The following FREM1 variants were observed in gnomAD, a reference collection of about 807,000 sequenced individuals.
FREM1 encodes the protein FRAS1-related extracellular matrix protein 1.
FREM1 carries 220 observed loss-of-function variants against 210.1 expected under a neutral mutation model. The ratio of observed to expected loss-of-function variants is 1.05; its 90% confidence interval spans 0.94 to 1.17. The LOEUF (loss-of-function observed/expected upper bound fraction) is 1.17. Ranked by LOEUF, FREM1 falls within the 50% of genes most tolerant of loss-of-function variation. The pLI, the probability that FREM1 is intolerant of heterozygous loss-of-function variation, is 0.00. For missense variants in FREM1, 3,454 were observed against 2,675.5 expected (o/e 1.29, Z -6.42); for synonymous variants, 1,189 against 980.2 (o/e 1.21, Z -3.98).
intron 10 of FREM1, among the ~76,000 whole-genome samples, chr9:14,828,574 A>C (rs1423396660): frequency 2.8e-5 from 4 of 140,564 alleles, no homozygotes; most frequent in Non-Finnish European, 4.5e-5. Context: ...AAATGAGTTA[A>C]GACTTTGGGG....
Position 14,748,497 on chromosome 9 carries a change from G to A in FREM1, c.5700C>T (p.Ser1900=), listed in dbSNP as rs1281905978. 8.1e-6 allele frequency: 13 copies of A among 1,613,630 alleles called. No homozygotes were observed. The highest frequency in any genetic ancestry group is 1.7e-5 in the Admixed American group (1 of 59,988). ...CTCCCCTGATGACTGCTAGCTGCAT[G>A]GAAGATGGAAGAGGTCTTCTTTCCA... ...FHLERRPLPS[S]MQLAVIRGDT... is the part of the protein sequence containing the mutation. The change falls in exon 31 of 37, where the codon TCC becomes TCT. Residue 1900 remains serine, a synonymous_variant. Coordinates refer to ENST00000380880, the MANE Select transcript of FREM1 (RefSeq NM_001379081.2).
rs760672639 is a variant in FREM1 at position 14,859,163 on chromosome 9, G to A, written c.631+20C>T. The stretch of plus-strand genomic sequence containing the variant: ...TGTCAGTTTTGGTAATACCCAGAAA[G>A]GCATTAAAAGACATCATACGGGACT... On this transcript the variant is annotated intron_variant, in intron 4 of 36. Coordinates refer to ENST00000380880, the MANE Select transcript of FREM1 (RefSeq NM_001379081.2). 1 of 1,527,194 alleles carries A rather than the reference G, an allele frequency of 6.5e-7. No individual in the cohort carries two copies. 94.6% of individuals were successfully genotyped at this position (1,527,194 alleles called of 1,614,324 possible).
chr9:14,761,786 G>A (rs1845542745), intron 27 of FREM1, among the ~76,000 whole-genome samples: 1 of 152,184 alleles, frequency 6.6e-6, no homozygotes, highest in East Asian at 1.9e-4. Flanking sequence ...TAGTCACTCT[G>A]TAGCTGGCTT....
intron 1 of FREM1, among the ~76,000 whole-genome samples, chr9:14,872,118 T>C (rs1284923304): frequency 6.6e-6 from 1 of 152,232 alleles, no homozygotes; most frequent in East Asian, 1.9e-4. Flanking sequence ...TCCAGCTTTG[T>C]TCTTTTGGCT....
chr9:14,861,140 T>C lies in FREM1; in HGVS notation c.330-1656A>G, dbSNP rs956340380. Among the ~76,000 whole-genome samples, 5 of 107,692 alleles carry C rather than the reference T, an allele frequency of 4.6e-5. 1 individual carries two copies. The highest frequency in any genetic ancestry group is 7.1e-5 in the Non-Finnish European group (4 of 56,024). The allele number at this position is 107,692 out of a possible 152,430, so 70.7% of individuals were successfully genotyped here. On this transcript the variant is annotated intron_variant, in intron 3 of 36. Coordinates refer to ENST00000380880, the MANE Select transcript of FREM1 (RefSeq NM_001379081.2). ...ATATACATATATACACATATATACA[T>C]ATATACACATATATACGTATATACA...
chr9:14,822,453 G>C (rs1821541760), intron 13 of FREM1, among the ~76,000 whole-genome samples: 1 of 152,002 alleles, frequency 6.6e-6, no homozygotes, highest in South Asian at 2.1e-4. Context: ...GCATGTGTAG[G>C]CTCTGGTCCC....
At chr9:14,781,086 T>C (rs1461355366) in intron 24 of FREM1, among the ~76,000 whole-genome samples, 1 of 152,254 alleles carries the variant, frequency 6.6e-6, no homozygotes, top group African/African-American at 2.4e-5. Flanking sequence ...AAGAACCTTC[T>C]ACTGGAAATG....
intron 1 of FREM1, among the ~76,000 whole-genome samples, chr9:14,902,032 G>C (rs1168668497): frequency 6.7e-6 from 1 of 150,116 alleles, no homozygotes; most frequent in East Asian, 1.9e-4. Flanking sequence ...TTTTTTAAGA[G>C]ATCAGATCTC....
chr9:14,907,386 C>T (rs138027592), intron 1 of FREM1, among the ~76,000 whole-genome samples: 231 of 152,184 alleles, frequency 1.5e-3, no homozygotes, highest in Non-Finnish European at 1.7e-3. Context: ...TTCGCTCGGC[C>T]CCTCAAAGAT....
chr9:14,750,293 T>A lies in FREM1; in HGVS notation c.5408-17A>T. The A allele has an allele frequency of 6.3e-7, 1 of 1,582,946 alleles. No individual in the cohort carries two copies. The highest frequency in any genetic ancestry group is 2.2e-5 in the East Asian group (1 of 44,694). ...TTGACATTCCTACAAGAAGTAAACA[T>A]TTTAATTACTCTTTAATTGCTATTT... On this transcript the variant is annotated splice_polypyrimidine_tract_variant and intron_variant, in intron 29 of 36. Coordinates refer to ENST00000380880, the MANE Select transcript of FREM1 (RefSeq NM_001379081.2).
chr9:14,884,693 G>C (rs1340701231), intron 1 of FREM1, among the ~76,000 whole-genome samples: 1 of 152,044 alleles, frequency 6.6e-6, no homozygotes, highest in East Asian at 1.9e-4. Context: ...TCACTAATTT[G>C]AGATAATCTG....
Position 14,851,499 on chromosome 9 carries a change from T to G in FREM1, c.937A>C (p.Thr313Pro). The G allele has an allele frequency of 6.2e-7, 1 of 1,613,754 alleles. No homozygotes were observed. Among genetic ancestry groups the G allele is most frequent in the Non-Finnish European group, 8.5e-7 (1 of 1,179,822 alleles). Residue 313 changes from threonine to proline, a missense_variant, in exon 6 of 37, where the codon ACC becomes CCC. Transcript: ENST00000380880. Reference protein sequence around the residue: ...FILEVDQFILTSLTTSVLDCE... With the variant: ...FILEVDQFILPSLTTSVLDCE... ...TCCAGAACTGATGTAGTCAAGGAGGTCAGGATGAACTGATCCACTTCCAGA... is the reference window on the plus strand; with the variant it reads ...TCCAGAACTGATGTAGTCAAGGAGGGCAGGATGAACTGATCCACTTCCAGA...
chr9:14,823,690 G>A (rs541375713), intron 12 of FREM1, among the ~76,000 whole-genome samples: 1 of 152,166 alleles, frequency 6.6e-6, no homozygotes, highest in Non-Finnish European at 1.5e-5. Context: ...GTCAGCCCTT[G>A]GAAACTAATA....
chr9:14,801,955 C>G lies in FREM1; in HGVS notation c.3472-81G>C, dbSNP rs939121790. 1.0e-5 allele frequency: 10 copies of G among 990,094 alleles called. No homozygotes were observed. The African/African-American group carries it at 1.1e-4, about 11-fold the overall frequency. 61.3% of individuals were successfully genotyped at this position (990,094 alleles called of 1,614,324 possible). On this transcript the variant is annotated intron_variant, in intron 19 of 36. Coordinates refer to ENST00000380880, the MANE Select transcript of FREM1 (RefSeq NM_001379081.2). ...TTTGGAAAACTGCTTAAAGAAATCA[C>G]TTGAATATATCCTACTTCAAATTTT...
chr9:14,878,093 T>C (rs560580695), intron 1 of FREM1, among the ~76,000 whole-genome samples: 123 of 152,284 alleles, frequency 8.1e-4, no homozygotes, highest in African/African-American at 2.6e-3. Flanking sequence ...GGCATCACAG[T>C]CAGTATTTTG....
At chr9:14,822,030 T>C (rs1373381343) in intron 13 of FREM1, among the ~76,000 whole-genome samples, 1 of 152,172 alleles carries the variant, frequency 6.6e-6, no homozygotes, top group Non-Finnish European at 1.5e-5. Flanking sequence ...GTTTCCCCCA[T>C]AGTATTCTCA....
intron 1 of FREM1, among the ~76,000 whole-genome samples, chr9:14,907,841 T>A (rs1818046301): frequency 6.6e-6 from 1 of 152,228 alleles, no homozygotes; most frequent in South Asian, 2.1e-4. Flanking sequence ...ATATCAGAGC[T>A]AGGAAGATAC....
chr9:14,896,252 A>T (rs553400844), intron 1 of FREM1, among the ~76,000 whole-genome samples: 9 of 152,310 alleles, frequency 5.9e-5, no homozygotes, highest in African/African-American at 1.9e-4. Flanking sequence ...TGGTCTAAAA[A>T]GGGGAAGCAT....
chr9:14,836,335 C>T lies in FREM1; in HGVS notation c.1881+5112G>A, dbSNP rs1056402330. ...ATCCTTATAACTGGGATAATAGTTA[C>T]TGACAAAAAGAAAGCGTAAAAGTTT... On this transcript the variant is annotated intron_variant, in intron 10 of 36. Coordinates refer to ENST00000380880, the MANE Select transcript of FREM1 (RefSeq NM_001379081.2). The surrounding 1 kb of genome is among the most constrained non-coding windows in gnomAD (Gnocchi z 4.9). Among the ~76,000 whole-genome samples the T allele has an allele frequency of 6.6e-6, 1 of 152,170 alleles. No individual in the cohort carries two copies. Among genetic ancestry groups the T allele is most frequent in the African/African-American group, 2.4e-5 (1 of 41,436 alleles).
Sources: allele counts gnomAD v4.1 joint callset (sites outside exome capture counted in the v4.1 genomes callset), GRCh38; gene constraint gnomAD v4.1.1; non-coding constraint Gnocchi (gnomAD v3.1); transcripts MANE v1.5; gene names NCBI Gene and HGNC (gene_info 2026-07-23, HGNC 2026-07-21).